The following EPB41L5 variants were observed in gnomAD, a reference collection of about 807,000 sequenced individuals.
EPB41L5 encodes the protein band 4.1-like protein 5.
In EPB41L5, 55 loss-of-function variants were observed where a neutral mutation model predicts 106.6. That is an observed-to-expected ratio of 0.52 (90% CI 0.42 to 0.65). The LOEUF (loss-of-function observed/expected upper bound fraction) is 0.65, where lower values mean the gene tolerates loss of function less well. Among genes scored for constraint, EPB41L5 ranks in the 30% least tolerant of loss-of-function variants. The pLI, the probability that EPB41L5 is intolerant of heterozygous loss-of-function variation, is 0.00. For synonymous variants in EPB41L5, 297 were observed against 306.7 expected (o/e 0.97, Z 0.33); for missense variants, 871 against 882.1 (o/e 0.99, Z 0.16).
At chr2:120,167,082 A>C (rs1687446184) in intron 22 of EPB41L5, among the ~76,000 whole-genome samples, 1 of 152,218 alleles carries the variant, frequency 6.6e-6, no homozygotes, top group African/African-American at 2.4e-5. Context: ...TCCATTGTTC[A>C]GGCTGCTACC....
intron 24 of EPB41L5, among the ~76,000 whole-genome samples, chr2:120,172,977 G>A (rs1196778676): frequency 2.0e-5 from 3 of 152,084 alleles, no homozygotes; most frequent in African/African-American, 7.2e-5. Flanking sequence ...AGAAAACTGA[G>A]AAGTACTCGG....
chr2:120,111,615 A>C (rs1684731456), intron 16 of EPB41L5, among the ~76,000 whole-genome samples: 1 of 152,092 alleles, frequency 6.6e-6, no homozygotes, highest in African/African-American at 2.4e-5. Flanking sequence ...TTCTGTCTTC[A>C]AAATGTATCC....
intron 3 of EPB41L5, among the ~76,000 whole-genome samples, chr2:120,052,222 T>G (rs1297681842): frequency 6.6e-6 from 1 of 152,198 alleles, no homozygotes; most frequent in African/African-American, 2.4e-5. Flanking sequence ...TTTGAAGCTT[T>G]TGAAGATACA....
intron 16 of EPB41L5, chr2:120,101,494 T>C (rs1684138294): frequency 6.6e-6 from 1 of 152,214 alleles, no homozygotes. Context: ...GATTCAGTGG[T>C]CATGTTGGGT....
intron 24 of EPB41L5, 140 bp from the exon 25 acceptor site, chr2:120,174,701 G>A: frequency 1.4e-6 from 1 of 710,634 alleles, no homozygotes; most frequent in Non-Finnish European, 2.6e-6. Context: ...CTCATTGCCA[G>A]GTTAGGTGTT....
intron 21 of EPB41L5, among the ~76,000 whole-genome samples, chr2:120,161,392 A>G (rs1034386422): frequency 4.2e-5 from 6 of 143,626 alleles, no homozygotes; most frequent in African/African-American, 1.5e-4. Context: ...AAAAAAAAAA[A>G]TGTGATAAAA....
intron 20 of EPB41L5, among the ~76,000 whole-genome samples, chr2:120,155,216 G>A (rs1405185111): frequency 6.6e-6 from 1 of 152,036 alleles, no homozygotes; most frequent in Admixed American, 6.6e-5. Context: ...CTTGGCTTTT[G>A]TTTATCTGAG....
intron 16 of EPB41L5, chr2:120,105,591 T>G: frequency 1.0e-6 from 1 of 985,390 alleles, no homozygotes; most frequent in Non-Finnish European, 1.2e-6. Flanking sequence ...TAGGCAGGTT[T>G]CAATCTGAGT....
intron 2 of EPB41L5, among the ~76,000 whole-genome samples, chr2:120,027,460 A>G (rs1678404745): frequency 6.6e-6 from 1 of 152,272 alleles, no homozygotes; most frequent in South Asian, 2.1e-4. Flanking sequence ...CATTCATGTG[A>G]AATTCCAGAA....
At position 120,075,712 on chromosome 2, in the gene EPB41L5, C is replaced by G; in HGVS notation, c.464C>G (p.Pro155Arg). ...QDILSGKLDCPFDTAVQLAAY... is the reference protein window; with the variant it reads ...QDILSGKLDCRFDTAVQLAAY... The stretch of plus-strand genomic sequence containing the variant: ...TGTTTTGGTCTCAGATTAGACTGTC[C>G]CTTTGATACAGCAGTGCAATTGGCA... Residue 155 changes from proline to arginine, a missense_variant, in exon 7 of 25, where the codon CCC becomes CGC. Transcript: ENST00000263713. 8.1e-6 allele frequency: 13 copies of G among 1,613,302 alleles called. No individual in the cohort carries two copies. The highest frequency in any genetic ancestry group is 1.1e-5 in the Non-Finnish European group (13 of 1,179,540).
chr2:120,081,654 T>C (rs1209595221), intron 10 of EPB41L5, among the ~76,000 whole-genome samples: 2 of 151,994 alleles, frequency 1.3e-5, no homozygotes, highest in African/African-American at 4.8e-5. Context: ...AGAAAGTCAT[T>C]GTTAGCTTGA....
At chr2:120,075,619 A>G (rs1484629689) in intron 6 of EPB41L5, 82 bp from the exon 7 acceptor site, 3 of 1,429,798 alleles carry the variant, frequency 2.1e-6, no homozygotes, top group Non-Finnish European at 3.0e-6. Context: ...AATGGTCAAC[A>G]TAAAACATGT....
chr2:120,055,481 A>ATTTTTTTTTTTTTT (rs34856540), intron 3 of EPB41L5, among the ~76,000 whole-genome samples: 2 of 85,552 alleles, frequency 2.3e-5, no homozygotes, highest in African/African-American at 4.9e-5. Context: ...TAGGTTTTTA[A>ATTTTTTTTTTTTTT]TTTTTTTTTT....
Position 120,061,740 on chromosome 2 carries a change from T to G in EPB41L5, c.286-11438T>G, listed in dbSNP as rs548664312. ...ATCTTGTATAACGTGATACTGTATATTATGCTTTTAGAAAAGGGAAACGTA... is the reference window on the plus strand; with the variant it reads ...ATCTTGTATAACGTGATACTGTATAGTATGCTTTTAGAAAAGGGAAACGTA... On this transcript the variant is annotated intron_variant, in intron 3 of 24. Transcript: ENST00000263713. Among the ~76,000 whole-genome samples, 257 of 152,320 alleles carry G rather than the reference T, an allele frequency of 1.7e-3. 5 individuals carry two copies. The highest frequency in any genetic ancestry group is 7.3e-5 in the Non-Finnish European group (5 of 68,036).
intron 18 of EPB41L5, among the ~76,000 whole-genome samples, chr2:120,135,606 G>GA (rs1383448962): frequency 6.6e-6 from 1 of 152,056 alleles, no homozygotes. Flanking sequence ...AGCAGCAAGA[G>GA]AAAAGAAACA....
At chr2:120,164,231 T>G (rs1687290401) in intron 21 of EPB41L5, among the ~76,000 whole-genome samples, 1 of 152,036 alleles carries the variant, frequency 6.6e-6, no homozygotes. Flanking sequence ...AAAATTTGTT[T>G]TGAGGCAGAA....
chr2:120,049,324 T>TG (rs1374022399), intron 3 of EPB41L5, among the ~76,000 whole-genome samples: 1 of 152,212 alleles, frequency 6.6e-6, no homozygotes, highest in East Asian at 1.9e-4. Context: ...TCTAAGGACT[T>TG]GCTTTATGTA....
Position 120,167,948 on chromosome 2 carries a change from T to TAAAG in EPB41L5, c.2078_2081dup (p.Asp694GlufsTer40). ...TGACAGGGAAGGAGGGACATGGTAA[T>TAAAG]AAAGATGGAATCTCACTGATCTCTC... On this transcript the variant is annotated frameshift_variant, in exon 24 of 25. Transcript: ENST00000263713. LOFTEE classifies it high-confidence loss of function. 1 of 1,614,142 alleles carries TAAAG rather than the reference T, an allele frequency of 6.2e-7. No individual in the cohort carries two copies. The highest frequency in any genetic ancestry group is 8.5e-7 in the Non-Finnish European group (1 of 1,180,008).
chr2:120,071,916 A>G (rs1466305407), intron 3 of EPB41L5, among the ~76,000 whole-genome samples: 2 of 152,234 alleles, frequency 1.3e-5, no homozygotes, highest in Admixed American at 6.5e-5. Context: ...CACAAAAGCC[A>G]GAATTGACAA....
Sources: gnomAD v4.1 joint callset for allele counts (sites outside exome capture counted in the v4.1 genomes callset) on GRCh38, gnomAD v4.1.1 for gene constraint, MANE v1.5 for transcripts, NCBI Gene and HGNC (gene_info 2026-07-23, HGNC 2026-07-21) for gene names.